SGCZ: variants seen among roughly 807,000 people sequenced by gnomAD.
SGCZ encodes zeta-sarcoglycan.
Under a neutral mutation model 41.3 loss-of-function variants are expected in SGCZ, and 40 were observed. That is an observed-to-expected ratio of 0.97 (90% CI 0.75 to 1.26). SGCZ has a LOEUF of 1.26. Among genes scored for constraint, SGCZ ranks in the 50% most tolerant of loss-of-function variants. SGCZ has a pLI of 0.00. For missense variants in SGCZ, 552 were observed against 369.8 expected, an observed-to-expected ratio of 1.49 and a Z score of -4.04; for synonymous variants, 206 against 137.5, an observed-to-expected ratio of 1.50 and a Z score of -3.49.
At chr8:14,891,253 G>T (rs1048230597) in intron 1 of SGCZ, among the ~76,000 whole-genome samples, 3 of 152,126 alleles carry the variant, frequency 2.0e-5, no homozygotes, top group African/African-American at 7.2e-5. Context: ...AAAACCTTCT[G>T]GAAAGGATTT....
intron 1 of SGCZ, among the ~76,000 whole-genome samples, chr8:14,646,456 T>C (rs752946039): frequency 2.0e-5 from 3 of 151,982 alleles, no homozygotes; most frequent in Non-Finnish European, 2.9e-5. Flanking sequence ...CCACTGTTGA[T>C]GGGCACTTAG....
chr8:14,587,215 A>G (rs1452239909), intron 1 of SGCZ, among the ~76,000 whole-genome samples: 1 of 152,044 alleles, frequency 6.6e-6, no homozygotes, highest in African/African-American at 2.4e-5. Context: ...CTAAATGATA[A>G]TAAAGTTTCA....
chr8:15,115,426 A>G (rs1206648715), intron 1 of SGCZ, among the ~76,000 whole-genome samples: 1 of 152,224 alleles, frequency 6.6e-6, no homozygotes, highest in Non-Finnish European at 1.5e-5. Flanking sequence ...AGTAATCTCT[A>G]CTGGAAATGG....
chr8:14,712,662 G>A (rs1457960125), intron 1 of SGCZ, among the ~76,000 whole-genome samples: 1 of 152,072 alleles, frequency 6.6e-6, no homozygotes, highest in Non-Finnish European at 1.5e-5. Context: ...ACTTAGCATG[G>A]GGGCCTTTGA....
At chr8:14,681,695 A>T (rs1808450826) in intron 1 of SGCZ, among the ~76,000 whole-genome samples, 1 of 152,170 alleles carries the variant, frequency 6.6e-6, no homozygotes, top group Non-Finnish European at 1.5e-5. Context: ...TAAAATAATT[A>T]TGTCCCTGAT....
At chr8:15,110,577 C>T (rs1314051853) in intron 1 of SGCZ, among the ~76,000 whole-genome samples, 2 of 152,208 alleles carry the variant, frequency 1.3e-5, no homozygotes, top group South Asian at 2.1e-4. Flanking sequence ...AGCAGGTGTG[C>T]ATATCACAAT....
At chr8:14,797,031 T>A (rs1801156939) in intron 1 of SGCZ, among the ~76,000 whole-genome samples, 1 of 152,150 alleles carries the variant, frequency 6.6e-6, no homozygotes, top group African/African-American at 2.4e-5. Context: ...AATTACCCAG[T>A]CTCAGGTATT....
At chr8:14,609,072 A>G (rs1805845635) in intron 1 of SGCZ, among the ~76,000 whole-genome samples, 1 of 152,194 alleles carries the variant, frequency 6.6e-6, no homozygotes, top group Non-Finnish European at 1.5e-5. Context: ...ATTTGTTTTT[A>G]TGATGAACTA....
chr8:14,803,758 G>C (rs1423178613), intron 1 of SGCZ, among the ~76,000 whole-genome samples: 1 of 150,734 alleles, frequency 6.6e-6, no homozygotes, highest in East Asian at 2.0e-4. Flanking sequence ...GCCTCTGTAG[G>C]CTCCACCTCT....
At chr8:14,536,787 A>C (rs1171436256) in intron 2 of SGCZ, among the ~76,000 whole-genome samples, 1 of 151,882 alleles carries the variant, frequency 6.6e-6, no homozygotes, top group East Asian at 1.9e-4. Context: ...ATTCAACCTT[A>C]ATTTCATCAT....
intron 1 of SGCZ, among the ~76,000 whole-genome samples, chr8:15,166,951 A>G (rs1317662028): frequency 6.6e-6 from 1 of 152,188 alleles, no homozygotes; most frequent in East Asian, 1.9e-4. Flanking sequence ...AACTAAATGG[A>G]CTGAACTCAG....
chr8:15,236,789 G>A (rs77709507), intron 1 of SGCZ, among the ~76,000 whole-genome samples: 1 of 152,174 alleles, frequency 6.6e-6, no homozygotes, highest in Admixed American at 6.5e-5. Context: ...GGGGACCCCA[G>A]AGGGAGAGGG....
intron 3 of SGCZ, chr8:14,309,545 G>C: frequency 6.2e-7 from 1 of 1,610,318 alleles, no homozygotes; most frequent in South Asian, 1.1e-5. Flanking sequence ...CAAAGAAGCT[G>C]TTACACATAC....
intron 2 of SGCZ, among the ~76,000 whole-genome samples, chr8:14,351,202 T>C (rs1239329728): frequency 6.6e-6 from 1 of 152,174 alleles, no homozygotes; most frequent in African/African-American, 2.4e-5. Context: ...ATTACTGGTA[T>C]TACCGGTATT....
intron 3 of SGCZ, among the ~76,000 whole-genome samples, chr8:14,240,347 A>AT (rs1798831491): frequency 8.8e-5 from 12 of 136,134 alleles, no homozygotes; most frequent in African/African-American, 3.1e-4. Context: ...AAAAAAAAAA[A>AT]AAAAAAAAGA....
chr8:14,914,206 T>C (rs967359848), intron 1 of SGCZ, among the ~76,000 whole-genome samples: 15 of 149,782 alleles, frequency 1.0e-4, no homozygotes, highest in African/African-American at 3.8e-4. Context: ...ACAAACATCA[T>C]TTTATATATA....
intron 5 of SGCZ, among the ~76,000 whole-genome samples, chr8:14,143,421 A>G (rs1007293557): frequency 2.6e-5 from 4 of 152,250 alleles, no homozygotes; most frequent in Non-Finnish European, 5.9e-5. Flanking sequence ...AGAAAATCCC[A>G]AGGAATGTGA....
chr8:14,789,981 A>C (rs373867248), intron 1 of SGCZ, among the ~76,000 whole-genome samples: 1 of 152,230 alleles, frequency 6.6e-6, no homozygotes, highest in East Asian at 1.9e-4. Flanking sequence ...TACATTGATT[A>C]AATGTAAATT....
chr8:14,365,518 T>C (rs1457999561), intron 2 of SGCZ, among the ~76,000 whole-genome samples: 1 of 152,112 alleles, frequency 6.6e-6, no homozygotes, highest in Non-Finnish European at 1.5e-5. Context: ...TAGTTAATTT[T>C]GTTTATTATA....
Sources: gnomAD v4.1 joint callset for allele counts (sites outside exome capture counted in the v4.1 genomes callset) on GRCh38, gnomAD v4.1.1 for gene constraint, MANE v1.5 for transcripts, NCBI Gene and HGNC (gene_info 2026-07-23, HGNC 2026-07-21) for gene names.